Variants in GNAO1 observed in about 807,000 individuals in gnomAD.
GNAO1 encodes the protein G protein subunit alpha o1.
For synonymous variants in GNAO1, 164 were observed against 180.7 expected, an observed-to-expected ratio of 0.91 and a Z score of 0.74; for missense variants, 166 against 478.7, an observed-to-expected ratio of 0.35 and a Z score of 6.10.
At chr16:56,353,958 C>T (rs1301902846) in intron 7 of GNAO1, among the ~76,000 whole-genome samples, 3 of 152,202 alleles carry the variant, frequency 2.0e-5, no homozygotes, top group Non-Finnish European at 1.5e-5. Flanking sequence ...TGCTGATGTC[C>T]CCTTAAACTT....
intron 6 of GNAO1, chr16:56,347,057 G>A: frequency 5.1e-6 from 5 of 985,434 alleles, no homozygotes; most frequent in Non-Finnish European, 6.0e-6. Flanking sequence ...TTATTTCTCA[G>A]TCTGACCTGG....
chr16:56,287,693 T>C (rs2037187060), intron 3 of GNAO1, among the ~76,000 whole-genome samples: 1 of 152,162 alleles, frequency 6.6e-6, no homozygotes, highest in African/African-American at 2.4e-5. Context: ...AAAGAGGTGG[T>C]GTCATCCCCT....
intron 2 of GNAO1, among the ~76,000 whole-genome samples, chr16:56,237,426 A>G (rs1176199015): frequency 6.6e-6 from 1 of 152,182 alleles, no homozygotes; most frequent in African/African-American, 2.4e-5. Context: ...GAGCAATGCC[A>G]CAGGATGCCT....
chr16:56,336,851 C>T lies in GNAO1; in HGVS notation c.714C>T (p.Asp238=), dbSNP rs752775959. Residue 238 remains aspartate, a synonymous_variant, in exon 6 of 9, where the codon GAC becomes GAT. Transcript: ENST00000262493. ...LSGYDQVLHE[D]ETTNRMHESL... is the part of the protein sequence containing the mutation. ...GCTATGACCAGGTGCTCCACGAAGA[C>T]GAAACCACGGTGAGTGGCCTGGGCC... 1.2e-5 allele frequency: 19 copies of T among 1,611,196 alleles called. No homozygotes were observed. The highest frequency in any genetic ancestry group is 5.5e-5 in the South Asian group (5 of 90,828).
chr16:56,349,821 A>G (rs868787142), intron 6 of GNAO1, among the ~76,000 whole-genome samples: 15 of 152,158 alleles, frequency 9.9e-5, no homozygotes, highest in African/African-American at 3.1e-4. Flanking sequence ...TCTACAGGTC[A>G]TGGTAGAATG....
intron 2 of GNAO1, among the ~76,000 whole-genome samples, chr16:56,210,007 A>T (rs2036372103): frequency 6.6e-6 from 1 of 152,152 alleles, no homozygotes; most frequent in Non-Finnish European, 1.5e-5. Context: ...TATCATACAG[A>T]GTATTTTCAC....
intron 3 of GNAO1, among the ~76,000 whole-genome samples, chr16:56,294,969 C>T (rs984922455): frequency 1.3e-5 from 2 of 151,994 alleles, no homozygotes; most frequent in South Asian, 4.1e-4. Flanking sequence ...TGTTTGTCTT[C>T]TTATTAATGA....
intron 3 of GNAO1, among the ~76,000 whole-genome samples, chr16:56,287,080 C>T (rs1208233431): frequency 6.6e-6 from 1 of 152,226 alleles, no homozygotes; most frequent in African/African-American, 2.4e-5. Flanking sequence ...GCAGCCTCTC[C>T]CCTGAGGTCC....
At chr16:56,344,317 G>A (rs921300170) in intron 6 of GNAO1, 1 of 1,117,686 alleles carries the variant, frequency 8.9e-7, no homozygotes. Context: ...ATCTTGGGTG[G>A]TGCAGGGGCG....
At chr16:56,231,970 GAA>G (rs547817669) in intron 2 of GNAO1, among the ~76,000 whole-genome samples, 71 of 152,274 alleles carry the variant, frequency 4.7e-4, no homozygotes, top group Non-Finnish European at 4.6e-4. Flanking sequence ...ATCAGAGAGA[GAA>G]AGAGAATGTG....
chr16:56,212,366 C>T (rs2036397366), intron 2 of GNAO1, among the ~76,000 whole-genome samples: 1 of 152,210 alleles, frequency 6.6e-6, no homozygotes, highest in Non-Finnish European at 1.5e-5. Context: ...TCACCTTCTC[C>T]TCCACCCGCA....
At chr16:56,347,966 C>T (rs1272470681) in intron 6 of GNAO1, 3 of 974,598 alleles carry the variant, frequency 3.1e-6, no homozygotes, top group South Asian at 4.8e-5. Flanking sequence ...CCCCCTCCCC[C>T]ATCTAGGCGA....
chr16:56,295,322 C>T (rs1242414927), intron 3 of GNAO1, among the ~76,000 whole-genome samples: 1 of 152,144 alleles, frequency 6.6e-6, no homozygotes, highest in Non-Finnish European at 1.5e-5. Context: ...GCAGGTCCTT[C>T]TCGTCTGTTC....
At chr16:56,264,427 T>C (rs781599888) in intron 2 of GNAO1, among the ~76,000 whole-genome samples, 8 of 152,208 alleles carry the variant, frequency 5.3e-5, no homozygotes, top group Non-Finnish European at 1.0e-4. Flanking sequence ...GTTCATGTTG[T>C]TTTTCAGATA....
chr16:56,197,580 TG>T (rs2143290815), intron 2 of GNAO1, among the ~76,000 whole-genome samples: 1 of 152,326 alleles, frequency 6.6e-6, no homozygotes, highest in African/African-American at 2.4e-5. Flanking sequence ...AGAACCTATA[TG>T]CTTGTTGAAA....
intron 2 of GNAO1, among the ~76,000 whole-genome samples, chr16:56,272,856 T>C (rs1158582676): frequency 2.0e-5 from 3 of 152,180 alleles, no homozygotes; most frequent in Non-Finnish European, 4.4e-5. Flanking sequence ...AGGAGAGTGG[T>C]AGGGTCTGCT....
At chr16:56,262,498 A>G (rs1241817082) in intron 2 of GNAO1, among the ~76,000 whole-genome samples, 1 of 152,196 alleles carries the variant, frequency 6.6e-6, no homozygotes, top group Non-Finnish European at 1.5e-5. Flanking sequence ...GCTAATGAGC[A>G]GGAACATAAA....
chr16:56,348,220 C>T (rs1396508067), intron 6 of GNAO1: 1 of 983,244 alleles, frequency 1.0e-6, no homozygotes, highest in Non-Finnish European at 1.2e-6. Context: ...GATGTGTTGT[C>T]AGGGCCCAGG....
chr16:56,345,555 G>C, intron 6 of GNAO1: 4 of 985,260 alleles, frequency 4.1e-6, no homozygotes, highest in Non-Finnish European at 4.8e-6. Flanking sequence ...TGCCTGCAGG[G>C]ACCGGTGCCT....
Sources: allele counts gnomAD v4.1 joint callset (sites outside exome capture counted in the v4.1 genomes callset), GRCh38; gene constraint gnomAD v4.1.1; transcripts MANE v1.5; gene names NCBI Gene and HGNC (gene_info 2026-07-23, HGNC 2026-07-21).